SLC9A9: variants seen among roughly 807,000 people sequenced by gnomAD.
The protein encoded by SLC9A9 is sodium/hydrogen exchanger 9.
In SLC9A9, 62 loss-of-function variants were observed where a neutral mutation model predicts 77.8. The observed-to-expected ratio is 0.80, with a 90% CI of 0.65 to 0.98. The LOEUF is 0.98. SLC9A9 is among the 50% of genes least tolerant of loss of function. The probability of loss-of-function intolerance (pLI) is 0.00; values close to 1 mark genes in which losing one functional copy is unlikely to be tolerated. For synonymous variants in SLC9A9, 320 were observed against 283.5 expected (o/e 1.13, Z -1.29); for missense variants, 775 against 774.9 (o/e 1.00, Z 0.00).
At chr3:143,817,017 C>A (rs1440466256) in intron 2 of SLC9A9, among the ~76,000 whole-genome samples, 1 of 152,052 alleles carries the variant, frequency 6.6e-6, no homozygotes, top group East Asian at 1.9e-4. Flanking sequence ...AATCTGGTTA[C>A]TATTCTGCTT....
chr3:143,750,984 G>A (rs2006694077), intron 4 of SLC9A9, among the ~76,000 whole-genome samples: 1 of 152,142 alleles, frequency 6.6e-6, no homozygotes, highest in South Asian at 2.1e-4. Flanking sequence ...CAAGCTTCCT[G>A]TTGAGTCTAA....
intron 12 of SLC9A9, among the ~76,000 whole-genome samples, chr3:143,437,486 G>T (rs770262395): frequency 6.6e-6 from 1 of 152,194 alleles, no homozygotes; most frequent in East Asian, 1.9e-4. Flanking sequence ...CTATTACTGC[G>T]TCCTGCTTCC....
chr3:143,450,286 T>G (rs1317251473), intron 12 of SLC9A9, among the ~76,000 whole-genome samples: 1 of 145,712 alleles, frequency 6.9e-6, no homozygotes, highest in African/African-American at 2.5e-5. Context: ...CTGATATGCT[T>G]TAATACAAAT....
rs1309610053 is a variant in SLC9A9 at position 143,780,184 on chromosome 3, G to C, written c.533+14817C>G. On this transcript the variant is annotated intron_variant, in intron 4 of 15. Coordinates refer to ENST00000316549, the MANE Select transcript of SLC9A9 (RefSeq NM_173653.4). ...TATGTTGGAAGACAGATATTTGCCT[G>C]GATAGGGAAGAGCCCAGTGAAGGGA... Among the ~76,000 whole-genome samples the C allele has an allele frequency of 2.1e-4, 32 of 152,128 alleles. 2 individuals carry two copies. The highest frequency in any genetic ancestry group is 7.4e-5 in the Non-Finnish European group (5 of 68,024).
At chr3:143,753,273 A>C (rs2006807947) in intron 4 of SLC9A9, among the ~76,000 whole-genome samples, 1 of 152,178 alleles carries the variant, frequency 6.6e-6, no homozygotes, top group Admixed American at 6.6e-5. Flanking sequence ...ATGAAAAAAA[A>C]AGTGTCGATG....
chr3:143,327,063 C>T (rs995899297), intron 14 of SLC9A9, among the ~76,000 whole-genome samples: 3 of 152,024 alleles, frequency 2.0e-5, no homozygotes, highest in Non-Finnish European at 2.9e-5. Context: ...ATAAATGGTC[C>T]CTGCAAGTAT....
At chr3:143,582,243 G>T (rs989838712) in intron 6 of SLC9A9, among the ~76,000 whole-genome samples, 2 of 152,018 alleles carry the variant, frequency 1.3e-5, no homozygotes, top group African/African-American at 4.8e-5. Context: ...TATGGCCTTG[G>T]GCAAGTTACT....
chr3:143,770,838 G>A (rs1256541054), intron 4 of SLC9A9, among the ~76,000 whole-genome samples: 1 of 151,968 alleles, frequency 6.6e-6, no homozygotes, highest in African/African-American at 2.4e-5. Context: ...CAACCTAATA[G>A]GTAAAGCACA....
intron 6 of SLC9A9, among the ~76,000 whole-genome samples, chr3:143,619,831 A>G (rs141248650): frequency 1.5e-3 from 236 of 152,298 alleles, no homozygotes; most frequent in Non-Finnish European, 2.9e-3. Flanking sequence ...AGTAATAAAT[A>G]CCATTTTCAT....
At chr3:143,493,570 G>C in intron 11 of SLC9A9, 83 bp downstream of exon 11, 3 of 1,266,258 alleles carry the variant, frequency 2.4e-6, no homozygotes, top group Non-Finnish European at 3.5e-6. Context: ...CCCCAAAAGG[G>C]TTCTAAATTT....
intron 4 of SLC9A9, among the ~76,000 whole-genome samples, chr3:143,785,872 T>A (rs2008037957): frequency 1.1e-5 from 1 of 91,746 alleles, no homozygotes; most frequent in South Asian, 4.2e-4. Flanking sequence ...TTTTTTTTTT[T>A]TTGAGACGGA....
intron 9 of SLC9A9, among the ~76,000 whole-genome samples, chr3:143,539,215 A>G (rs942486884): frequency 3.3e-5 from 5 of 152,176 alleles, no homozygotes; most frequent in African/African-American, 1.2e-4. Context: ...AATTGTATTA[A>G]GTGACTCTCC....
Position 143,560,340 on chromosome 3 carries a change from C to T in SLC9A9, c.1001-7890G>A, listed in dbSNP as rs2037060167. On this transcript the variant is annotated intron_variant, in intron 8 of 15. Coordinates refer to ENST00000316549, the MANE Select transcript of SLC9A9 (RefSeq NM_173653.4). ...GAGTTGGCTCTGACCTTGTATGTCC[C>T]CAAAAGATATTTTTCCCTTATTCTT... Among the ~76,000 whole-genome samples, 4 of 152,232 alleles carry T rather than the reference C, an allele frequency of 2.6e-5. No individual in the cohort carries two copies. In the South Asian group the frequency reaches 8.3e-4, roughly 32 times the overall value.
At chr3:143,722,650 C>T (rs75285014) in intron 4 of SLC9A9, among the ~76,000 whole-genome samples, 2,734 of 151,976 alleles carry the variant, frequency 0.018, 74 homozygotes, top group African/African-American at 0.061. Flanking sequence ...TTTTCTTTTC[C>T]TGTTGTTTTC....
At chr3:143,474,601 G>T (rs940120086) in intron 11 of SLC9A9, among the ~76,000 whole-genome samples, 5 of 151,940 alleles carry the variant, frequency 3.3e-5, no homozygotes, top group African/African-American at 1.2e-4. Context: ...GGAAGAGCAT[G>T]TCTGGGTGTA....
chr3:143,308,839 G>A (rs1322527862), intron 14 of SLC9A9, among the ~76,000 whole-genome samples: 1 of 152,084 alleles, frequency 6.6e-6, no homozygotes, highest in Non-Finnish European at 1.5e-5. Flanking sequence ...GCTTCCCCTG[G>A]CTTGCTTGGC....
At chr3:143,385,455 G>A (rs1325919761) in intron 12 of SLC9A9, among the ~76,000 whole-genome samples, 1 of 152,058 alleles carries the variant, frequency 6.6e-6, no homozygotes, top group Non-Finnish European at 1.5e-5. Flanking sequence ...AGACATGCAT[G>A]GCACCTTCAC....
intron 6 of SLC9A9, among the ~76,000 whole-genome samples, chr3:143,605,840 C>T (rs532448918): frequency 6.6e-6 from 1 of 152,060 alleles, no homozygotes; most frequent in African/African-American, 2.4e-5. Context: ...GTTCCAGATA[C>T]AAGTACAAAT....
At chr3:143,343,147 G>A (rs1312311554) in intron 14 of SLC9A9, among the ~76,000 whole-genome samples, 1 of 152,172 alleles carries the variant, frequency 6.6e-6, no homozygotes, top group Non-Finnish European at 1.5e-5. Flanking sequence ...TAATGGTTTT[G>A]ATTGTGCTAG....
Sources: gnomAD v4.1 joint callset for allele counts (sites outside exome capture counted in the v4.1 genomes callset) on GRCh38, gnomAD v4.1.1 for gene constraint, MANE v1.5 for transcripts, NCBI Gene and HGNC (gene_info 2026-07-23, HGNC 2026-07-21) for gene names.